NVL: variants seen among roughly 807,000 people sequenced by gnomAD.
NVL encodes nuclear VCP like, also known as nuclear valosin-containing protein-like.
In NVL, 84 loss-of-function variants were observed where a neutral mutation model predicts 110.2. The ratio of observed to expected loss-of-function variants is 0.76; its 90% CI spans 0.64 to 0.91. NVL has a LOEUF of 0.91. Ranked by LOEUF, NVL falls within the 40% of genes least tolerant of loss-of-function variation. The pLI, the probability that NVL is intolerant of heterozygous loss-of-function variation, is 0.00. For missense variants in NVL, 882 were observed against 1,035.9 expected, an observed-to-expected ratio of 0.85 and a Z score of 2.04; for synonymous variants, 354 against 361.1, an observed-to-expected ratio of 0.98 and a Z score of 0.22.
intron 13 of NVL, among the ~76,000 whole-genome samples, chr1:224,288,594 G>A (rs1468774761): frequency 6.6e-6 from 1 of 152,032 alleles, no homozygotes; most frequent in African/African-American, 2.4e-5. Flanking sequence ...ATTTTTTACA[G>A]AATTAATTGC....
intron 19 of NVL, among the ~76,000 whole-genome samples, chr1:224,245,712 T>C (rs529442251): frequency 6.6e-6 from 1 of 151,252 alleles, no homozygotes; most frequent in Admixed American, 6.6e-5. Flanking sequence ...TCCCAGCACT[T>C]TGAGAGGCCG....
intron 18 of NVL, among the ~76,000 whole-genome samples, chr1:224,259,203 C>T (rs965333207): frequency 1.3e-5 from 2 of 151,862 alleles, no homozygotes; most frequent in Non-Finnish European, 2.9e-5. Flanking sequence ...ATTCTCCTGC[C>T]TCAGCCTCCT....
intron 4 of NVL, among the ~76,000 whole-genome samples, chr1:224,315,888 C>T (rs1670010483): frequency 6.6e-6 from 1 of 152,172 alleles, no homozygotes; most frequent in Non-Finnish European, 1.5e-5. Context: ...AACAAACCAA[C>T]TGCCCAACAA....
Position 224,288,455 on chromosome 1 carries a change from T to TA in NVL, c.1576-463dup, listed in dbSNP as rs147393856. Among the ~76,000 whole-genome samples, 1,281 of 152,222 alleles carry TA rather than the reference T, an allele frequency of 8.4e-3. 21 individuals are homozygous for TA. Among genetic ancestry groups the TA allele is most frequent in the African/African-American group, 0.028 (1,175 of 41,556 alleles). On this transcript the variant is annotated intron_variant, in intron 13 of 22. Coordinates refer to ENST00000281701, the MANE Select transcript of NVL (RefSeq NM_002533.4). Reference sequence around the variant, plus strand: ...CAATTTTCCTATTACTATCAAATCTTAAACTTAAAAGGCAGATTTCTTGCT... The same window carrying TA: ...CAATTTTCCTATTACTATCAAATCTTAAAACTTAAAAGGCAGATTTCTTGCT...
chr1:224,234,656 A>G (rs1437999287), intron 20 of NVL, among the ~76,000 whole-genome samples: 1 of 152,128 alleles, frequency 6.6e-6, no homozygotes, highest in Non-Finnish European at 1.5e-5. Context: ...TTAGGGTTAT[A>G]ACATTATTTA....
At position 224,233,268 on chromosome 1, in the gene NVL, CA is replaced by C. The variant is rs764482944; in HGVS notation, c.2387del (p.Leu796TrpfsTer10). On this transcript the variant is annotated frameshift_variant, in exon 21 of 23. Transcript: ENST00000281701. LOFTEE classifies it high-confidence loss of function. ...GGGCACAGATAGAAGCTTCTCGTACCAAAGCAGAGAGATCTGCGCCCCTACA... is the reference window on the plus strand; with the variant it reads ...GGGCACAGATAGAAGCTTCTCGTACCAAGCAGAGAGATCTGCGCCCCTACA... ...DCYTGADLSA[L>X]VREASICALR... 1 of 1,611,700 alleles carries C rather than the reference CA, an allele frequency of 6.2e-7. No homozygotes were observed. The highest frequency in any genetic ancestry group is 8.5e-7 in the Non-Finnish European group (1 of 1,179,160).
chr1:224,272,202 G>A (rs1665187029), intron 17 of NVL, among the ~76,000 whole-genome samples: 1 of 146,246 alleles, frequency 6.8e-6, no homozygotes, highest in Admixed American at 6.9e-5. Flanking sequence ...AAAATCAGCT[G>A]GGCATGGTGG....
At chr1:224,268,731 T>G (rs1013590568) in intron 17 of NVL, among the ~76,000 whole-genome samples, 1 of 152,192 alleles carries the variant, frequency 6.6e-6, no homozygotes, top group Non-Finnish European at 1.5e-5. Flanking sequence ...TGATCTTGGC[T>G]CACTGCAACC....
rs1667657125 is a variant in NVL, at chr1:224,294,289, G to A, written c.1303C>T (p.Pro435Ser). Reference sequence around the variant, plus strand: ...TACCTTTCCCTGGATGCTTCATCTGGGATACCTAGGCATATTTCTCGGTCG... The same window carrying A: ...TACCTTTCCCTGGATGCTTCATCTGAGATACCTAGGCATATTTCTCGGTCG... ...RFDREICLGI[P>S]DEASRERILQ... The change falls in exon 12 of 23, where the codon CCA becomes TCA. Residue 435 changes from proline to serine, a missense_variant. This residue lies in a region of NVL where 416 missense variants were observed against 499.3 expected (regional missense o/e 0.83). Coordinates refer to ENST00000281701, the MANE Select transcript of NVL (RefSeq NM_002533.4). 2 of 1,614,062 alleles carry A rather than the reference G, an allele frequency of 1.2e-6. No homozygotes were observed. Among genetic ancestry groups the A allele is most frequent in the Non-Finnish European group, 1.7e-6 (2 of 1,180,014 alleles).
At chr1:224,325,949 G>T (rs1671101529) in intron 2 of NVL, among the ~76,000 whole-genome samples, 1 of 152,026 alleles carries the variant, frequency 6.6e-6, no homozygotes, top group African/African-American at 2.4e-5. Flanking sequence ...ACCAAGCCTG[G>T]CAAATTTTTG....
At chr1:224,301,779 A>G (rs1426408100) in intron 9 of NVL, 1 of 155,358 alleles carries the variant, frequency 6.4e-6, no homozygotes, top group Non-Finnish European at 1.4e-5. Context: ...AGCCTGGGCA[A>G]CAGAGAGAAA....
At chr1:224,314,117 G>C (rs941880512) in intron 4 of NVL, among the ~76,000 whole-genome samples, 1 of 152,218 alleles carries the variant, frequency 6.6e-6, no homozygotes, top group Admixed American at 6.5e-5. Flanking sequence ...ATACAAAGTT[G>C]TTGGGAGTAT....
intron 17 of NVL, 56 bp downstream of exon 17, chr1:224,275,283 T>C (rs1395490655): frequency 6.9e-6 from 11 of 1,602,744 alleles, no homozygotes; most frequent in South Asian, 3.3e-5. Flanking sequence ...GCTTGGAACA[T>C]AGAAAAGGTT....
In NVL at chr1:224,275,374, C is replaced by T. The variant is rs369288815; in HGVS notation, c.2047G>A (p.Val683Met). The T allele has an allele frequency of 5.1e-5, 83 of 1,614,204 alleles. No homozygotes were observed. Among genetic ancestry groups the T allele is most frequent in the Non-Finnish European group, 6.7e-5 (79 of 1,180,036 alleles). The change falls in exon 17 of 23, where the codon GTG becomes ATG. Residue 683 changes from valine to methionine, a missense_variant. By Grantham distance (21) the Val-to-Met change is conservative. This residue lies in a region of NVL where 66 missense variants were observed against 127.5 expected (regional missense o/e 0.52). Transcript: ENST00000281701. ...SAPCVIFFDE[V>M]DALCPRRSDR... ...GATCTTCGAGGACATAAAGCATCCA[C>T]TTCATCAAAGAATATCACACAGGGT...
chr1:224,322,779 C>A (rs549776193), intron 2 of NVL, among the ~76,000 whole-genome samples: 6 of 152,258 alleles, frequency 3.9e-5, no homozygotes, highest in Admixed American at 6.5e-5. Context: ...CACAGTGAAA[C>A]CCTGTCGCTA....
Position 224,238,634 on chromosome 1 carries a change from A to C in NVL, c.2290-2052T>G, listed in dbSNP as rs534654367. Among the ~76,000 whole-genome samples, 4 of 152,364 alleles carry C rather than the reference A, an allele frequency of 2.6e-5. No homozygotes were observed. In the East Asian group the frequency reaches 7.7e-4, roughly 29 times the overall value. The stretch of plus-strand genomic sequence containing the variant: ...TGGGACACAAACTATGATCTTAGGC[A>C]AACAATCTTGTGCTTTTTTCTCTAA... On this transcript the variant is annotated intron_variant, in intron 19 of 22. Transcript: ENST00000281701.
intron 16 of NVL, among the ~76,000 whole-genome samples, chr1:224,276,978 CACATAAAACTAGTTTT>C (rs1243982190): frequency 8.9e-6 from 1 of 112,644 alleles, no homozygotes; most frequent in African/African-American, 3.9e-5. Context: ...AGTTTTATGA[CACATAAAACTAGTTTT>C]ATGACACATA....
At position 224,227,482 on chromosome 1, in the gene NVL, C is replaced by T. The variant is rs1348643975; in HGVS notation, c.*144G>A. On this transcript the variant is annotated 3_prime_UTR_variant, in exon 23 of 23. Coordinates refer to ENST00000281701, the MANE Select transcript of NVL (RefSeq NM_002533.4). ...AGATGGGAAGAATCTTCAGCTTCAG[C>T]TTCAGCTTGGCCTCATTCATTTGAA... The T allele has an allele frequency of 1.9e-6, 1 of 516,316 alleles. No individual in the cohort carries two copies. Among genetic ancestry groups the T allele is most frequent in the Non-Finnish European group, 3.2e-6 (1 of 312,196 alleles). 32.0% of individuals were successfully genotyped at this position (516,316 alleles called of 1,614,324 possible).
chr1:224,305,645 C>G (rs1486847262), intron 6 of NVL, among the ~76,000 whole-genome samples: 1 of 152,230 alleles, frequency 6.6e-6, no homozygotes, highest in Non-Finnish European at 1.5e-5. Context: ...GCAACCTCCA[C>G]CTCCTAGGTT....
Sources: allele counts gnomAD v4.1 joint callset (sites outside exome capture counted in the v4.1 genomes callset), GRCh38; gene constraint gnomAD v4.1.1; regional missense constraint gnomAD v4.1.1; transcripts MANE v1.5; gene names NCBI Gene and HGNC (gene_info 2026-07-23, HGNC 2026-07-21).